MTHFD1: variants seen among roughly 807,000 people sequenced by gnomAD.
MTHFD1 encodes the protein C-1-tetrahydrofolate synthase, cytoplasmic.
MTHFD1 carries 44 observed loss-of-function variants against 110.3 expected under a neutral mutation model. The ratio of observed to expected loss-of-function variants is 0.40; its 90% CI spans 0.31 to 0.51. The LOEUF (loss-of-function observed/expected upper bound fraction) is 0.51, where lower values mean the gene tolerates loss of function less well. Among genes scored for constraint, MTHFD1 ranks in the 20% least tolerant of loss-of-function variants. The pLI is 0.60. For missense variants in MTHFD1, 909 were observed against 1,173.1 expected, an observed-to-expected ratio of 0.77 and a Z score of 3.29; for synonymous variants, 402 against 428.8, an observed-to-expected ratio of 0.94 and a Z score of 0.77.
intron 15 of MTHFD1, among the ~76,000 whole-genome samples, chr14:64,434,293 G>A (rs1295896873): frequency 6.6e-6 from 1 of 152,166 alleles, no homozygotes; most frequent in Non-Finnish European, 1.5e-5. Context: ...TGCAAGGCCT[G>A]TAATCCCAGC....
intron 3 of MTHFD1, among the ~76,000 whole-genome samples, chr14:64,411,622 G>A (rs1479138953): frequency 3.3e-5 from 5 of 152,186 alleles, no homozygotes; most frequent in African/African-American, 4.8e-5. Context: ...ACAGATGGCC[G>A]GACGCGGTGG....
At position 64,448,261 on chromosome 14, in the gene MTHFD1, A is replaced by G; in HGVS notation, c.2223A>G (p.Gln741=). 6.2e-7 allele frequency: 1 copy of G among 1,614,230 alleles called. No individual in the cohort carries two copies. Among genetic ancestry groups the G allele is most frequent in the Non-Finnish European group, 8.5e-7 (1 of 1,180,038 alleles). Residue 741 remains glutamine (Q), a synonymous_variant, in exon 23 of 28, where the codon CAA becomes CAG. Transcript: ENST00000652337. ...AAGGCTTCAGTAACTTGAAGAAACA[A>G]ATTGAAAATGCCAGAATGTTTGGAA... ...VEKGFSNLKK[Q]IENARMFGIP... is the part of the protein sequence containing the mutation.
At chr14:64,456,205 T>A (rs891613840) in intron 26 of MTHFD1, among the ~76,000 whole-genome samples, 9 of 146,050 alleles carry the variant, frequency 6.2e-5, no homozygotes, top group Non-Finnish European at 3.1e-5. Flanking sequence ...AGACACAGCC[T>A]GCCGAACTCA....
intron 12 of MTHFD1, among the ~76,000 whole-genome samples, chr14:64,428,532 C>T (rs572332722): frequency 2.0e-5 from 3 of 148,748 alleles, no homozygotes; most frequent in East Asian, 4.0e-4. Flanking sequence ...ATGTTGACAC[C>T]GGGAACACCT....
chr14:64,431,586 G>A lies in MTHFD1; in HGVS notation c.1366G>A (p.Val456Ile), dbSNP rs772825070. 6.8e-6 allele frequency: 11 copies of A among 1,614,146 alleles called. No individual in the cohort carries two copies. Among genetic ancestry groups the A allele is most frequent in the Middle Eastern group, 1.6e-4 (1 of 6,062 alleles). The change falls in exon 14 of 28, where the codon GTT becomes ATT. Residue 456 changes from valine to isoleucine, a missense_variant. By Grantham distance (29) the Val-to-Ile change is conservative. Around this residue, in one of 3 missense-constraint regions of MTHFD1, gnomAD observed 482 missense variants for 646.0 expected, o/e 0.75. Coordinates refer to ENST00000652337, the MANE Select transcript of MTHFD1 (RefSeq NM_005956.4). Reference protein sequence around the residue: ...IHAITAANNLVAAAIDARIFH... With the variant: ...IHAITAANNLIAAAIDARIFH... Reference sequence around the variant, plus strand: ...TGCCATCACTGCAGCTAATAACCTCGTTGCTGCGGCCATTGATGCTCGGAT... The same window carrying A: ...TGCCATCACTGCAGCTAATAACCTCATTGCTGCGGCCATTGATGCTCGGAT...
At chr14:64,439,440 A>T in intron 17 of MTHFD1, 1 of 511,692 alleles carries the variant, frequency 2.0e-6, no homozygotes. Flanking sequence ...GAAATTGATT[A>T]AAATTGCTTC....
At chr14:64,398,489 G>A (rs748436494) in intron 1 of MTHFD1, among the ~76,000 whole-genome samples, 32 of 152,202 alleles carry the variant, frequency 2.1e-4, no homozygotes, top group Non-Finnish European at 8.8e-5. Context: ...GGAGGTTGCA[G>A]TGAGCTGTGA....
Position 64,417,888 on chromosome 14 carries a change from G to C in MTHFD1, c.479G>C (p.Gly160Ala), listed in dbSNP as rs780536570. ...KGCLELIKET[G>A]VPIAGRHAVV... is the part of the protein sequence containing the mutation. ...TGATGCAGGCTGGCTTTTCTTTCAG[G>C]GGTGCCGATTGCCGGAAGGCATGCT... is the stretch of plus-strand genomic sequence containing the variant. Residue 160 changes from glycine (G) to alanine (A), a missense_variant and splice_region_variant, in exon 7 of 28, where the codon GGG (glycine) becomes GCG (alanine). Gly to Ala is a moderately conservative substitution (Grantham distance 60). Transcript: ENST00000652337. This position sits in a 1 kb window ranked among gnomAD's most constrained non-coding sequence, Gnocchi z 4.4. The C allele has an allele frequency of 6.2e-7, 1 of 1,612,428 alleles. No homozygotes were observed. Among genetic ancestry groups the C allele is most frequent in the Non-Finnish European group, 8.5e-7 (1 of 1,179,922 alleles).
chr14:64,427,922 G>A (rs967093532), intron 12 of MTHFD1, among the ~76,000 whole-genome samples: 1 of 152,018 alleles, frequency 6.6e-6, no homozygotes, highest in Non-Finnish European at 1.5e-5. Context: ...CTATCATCCA[G>A]TACGAGATAG....
chr14:64,448,028 G>T, intron 22 of MTHFD1, 189 bp from the exon 23 acceptor site: 1 of 622,504 alleles, frequency 1.6e-6, no homozygotes, highest in Non-Finnish European at 2.9e-6. Flanking sequence ...AGTGAAAGCT[G>T]CAGTTCTCCA....
intron 24 of MTHFD1, among the ~76,000 whole-genome samples, chr14:64,450,007 G>A (rs1020884431): frequency 6.6e-6 from 1 of 152,168 alleles, no homozygotes. Flanking sequence ...GGCCAGGCTG[G>A]TCTCGAACTC....
chr14:64,419,346 C>CA (rs1442169584), intron 7 of MTHFD1: 1 of 238,540 alleles, frequency 4.2e-6, no homozygotes, highest in Non-Finnish European at 8.0e-6. Flanking sequence ...TAGATCCCTG[C>CA]ATCAGATTCC....
At chr14:64,408,284 T>TCC (rs1555336629) in intron 2 of MTHFD1, among the ~76,000 whole-genome samples, 3 of 103,608 alleles carry the variant, frequency 2.9e-5, no homozygotes, top group Non-Finnish European at 6.7e-5. Flanking sequence ...AAATCAGCAT[T>TCC]CTTTTTTTTT....
chr14:64,395,105 A>G (rs2077836388), intron 1 of MTHFD1, among the ~76,000 whole-genome samples: 1 of 152,218 alleles, frequency 6.6e-6, no homozygotes, highest in South Asian at 2.1e-4. Context: ...CATATAGTTA[A>G]GCACCGCTTC....
At chr14:64,429,314 T>TTTTG (rs1025237283) in intron 12 of MTHFD1, among the ~76,000 whole-genome samples, 1 of 132,774 alleles carries the variant, frequency 7.5e-6, no homozygotes, top group African/African-American at 2.9e-5. Flanking sequence ...CCTGGACTTT[T>TTTTG]TTTGTTTGTT....
chr14:64,424,636 T>C (rs78996659), intron 8 of MTHFD1, among the ~76,000 whole-genome samples, 168 bp from the exon 9 acceptor site: 1,697 of 152,300 alleles, frequency 0.011, 31 homozygotes, highest in African/African-American at 0.038. Flanking sequence ...AAAATAATTT[T>C]CTCCCTAAGA....
chr14:64,442,258 T>G lies in MTHFD1; in HGVS notation c.1997-5T>G, dbSNP rs752377325. The stretch of plus-strand genomic sequence containing the variant: ...GCATTTTTACTGTTGCTTTCCTCTT[T>G]ACAGTGACGGAAGCAGGATTTGGAG... On this transcript the variant is annotated splice_region_variant and splice_polypyrimidine_tract_variant and intron_variant, in intron 20 of 27. Coordinates refer to ENST00000652337, the MANE Select transcript of MTHFD1 (RefSeq NM_005956.4). 6.2e-7 allele frequency: 1 copy of G among 1,614,262 alleles called. No homozygotes were observed. The highest frequency in any genetic ancestry group is 1.7e-5 in the Admixed American group (1 of 60,032).
At chr14:64,422,054 G>A (rs2078078910) in intron 8 of MTHFD1, among the ~76,000 whole-genome samples, 1 of 152,090 alleles carries the variant, frequency 6.6e-6, no homozygotes, top group South Asian at 2.1e-4. Context: ...AGATAGGTAG[G>A]AAATGTTGAC....
chr14:64,450,605 T>C lies in MTHFD1; in HGVS notation c.2457+983T>C, dbSNP rs568768237. ...TGTATTTCAGGATGTGATTTGACAT[T>C]AAGTAGTATGGAAACAACAACTGGA... is the stretch of plus-strand genomic sequence containing the variant. On this transcript the variant is annotated intron_variant, in intron 24 of 27. Transcript: ENST00000652337. Among the ~76,000 whole-genome samples, 14 of 152,378 alleles carry C rather than the reference T, an allele frequency of 9.2e-5. No homozygotes were observed. In the East Asian group the frequency reaches 2.5e-3, roughly 27 times the overall value.
Sources: allele counts gnomAD v4.1 joint callset (sites outside exome capture counted in the v4.1 genomes callset), GRCh38; gene constraint gnomAD v4.1.1; regional missense constraint gnomAD v4.1.1; non-coding constraint Gnocchi (gnomAD v3.1); transcripts MANE v1.5; gene names NCBI Gene and HGNC (gene_info 2026-07-23, HGNC 2026-07-21).